Variants in FCAMR observed in about 807,000 individuals in gnomAD.
FCAMR encodes high affinity immunoglobulin alpha and immunoglobulin mu Fc receptor.
A neutral mutation model predicts 52.2 loss-of-function variants in FCAMR; 51 were observed. The observed-to-expected ratio is 0.98, with a 90% CI of 0.78 to 1.23. The LOEUF (loss-of-function observed/expected upper bound fraction) is 1.23. Ranked by LOEUF, FCAMR falls within the 50% of genes most tolerant of loss-of-function variation. FCAMR has a pLI of 0.00. For synonymous variants in FCAMR, 282 were observed against 262.0 expected (o/e 1.08, Z -0.74); for missense variants, 719 against 712.6 (o/e 1.01, Z -0.10).
At position 206,965,782 on chromosome 1, in the gene FCAMR, A is replaced by G; in HGVS notation, c.246T>C (p.His82=). ...LWEGSLPSRT[H]LRAMGTLRPS... Reference sequence around the variant, plus strand: ...GCCTGAGTGTTCCCATGGCCCGGAGATGGGTCCTGGAGGGGAGAGAGCCCT... The same window carrying G: ...GCCTGAGTGTTCCCATGGCCCGGAGGTGGGTCCTGGAGGGGAGAGAGCCCT... Residue 82 remains histidine (H), a synonymous_variant, in exon 4 of 8, where the codon CAT becomes CAC. Coordinates refer to ENST00000324852, the MANE Select transcript of FCAMR (RefSeq NM_001170631.2). 2 of 1,580,984 alleles carry G rather than the reference A, an allele frequency of 1.3e-6. No individual in the cohort carries two copies. The highest frequency in any genetic ancestry group is 1.7e-6 in the Non-Finnish European group (2 of 1,167,954).
At chr1:206,959,658 C>A in intron 7 of FCAMR, 21 bp downstream of exon 7, 2 of 1,596,882 alleles carry the variant, frequency 1.3e-6, no homozygotes, top group Admixed American at 1.7e-5. Flanking sequence ...TTCTATCTAG[C>A]CTTGGGGCTA....
Position 206,960,639 on chromosome 1 carries a change from C to T in FCAMR, c.1237G>A (p.Ala413Thr), listed in dbSNP as rs1680471416. ...GGAGTTCCCAAGGTCCACATGCCTGCAGCTGGAGTTGTTTCTCCAATGGAA... is the reference window on the plus strand; with the variant it reads ...GGAGTTCCCAAGGTCCACATGCCTGTAGCTGGAGTTGTTTCTCCAATGGAA... ...QGSIGETTPA[A>T]GMWTLGTPAA... The change falls in exon 6 of 8, where the codon GCA (alanine) becomes ACA (threonine). Residue 413 changes from alanine (A) to threonine (T), a missense_variant. Ala to Thr is a moderately conservative substitution (Grantham distance 58). Transcript: ENST00000324852. 3 of 1,551,830 alleles carry T rather than the reference C, an allele frequency of 1.9e-6. No individual in the cohort carries two copies. Among genetic ancestry groups the T allele is most frequent in the East Asian group, 2.4e-5 (1 of 40,936 alleles).
intron 1 of FCAMR, among the ~76,000 whole-genome samples, chr1:206,968,111 G>A (rs1189257425): frequency 2.6e-5 from 4 of 152,154 alleles, no homozygotes; most frequent in Admixed American, 2.0e-4. Context: ...AGGCCGAGGC[G>A]GGTGGATCAC....
At chr1:206,965,372 C>T (rs546499858) in intron 4 of FCAMR, among the ~76,000 whole-genome samples, 51 of 152,142 alleles carry the variant, frequency 3.4e-4, no homozygotes, top group Non-Finnish European at 5.6e-4. Context: ...GAACCAATAC[C>T]TTAAGGATTC....
At chr1:206,966,510 T>C (rs907140463) in intron 3 of FCAMR, among the ~76,000 whole-genome samples, 10 of 152,160 alleles carry the variant, frequency 6.6e-5, no homozygotes, top group African/African-American at 2.4e-4. Flanking sequence ...CTCAGCCTCA[T>C]GAGTAGCTGG....
chr1:206,965,788 C>G lies in FCAMR; in HGVS notation c.240G>C (p.Arg80Ser). The G allele has an allele frequency of 6.3e-7, 1 of 1,593,006 alleles. No homozygotes were observed. Among genetic ancestry groups the G allele is most frequent in the Non-Finnish European group, 8.5e-7 (1 of 1,172,026 alleles). The change falls in exon 4 of 8, where the codon AGG (arginine) becomes AGC (serine). Residue 80 changes from arginine (R) to serine (S), a missense_variant. Transcript: ENST00000324852. ...GTGTTCCCATGGCCCGGAGATGGGTCCTGGAGGGGAGAGAGCCCTCCCACA... is the reference window on the plus strand; with the variant it reads ...GTGTTCCCATGGCCCGGAGATGGGTGCTGGAGGGGAGAGAGCCCTCCCACA... ...RWLWEGSLPSRTHLRAMGTLR... is the reference protein window; with the variant it reads ...RWLWEGSLPSSTHLRAMGTLR...
chr1:206,965,152 C>G (rs17018404), intron 4 of FCAMR, among the ~76,000 whole-genome samples: 1 of 152,038 alleles, frequency 6.6e-6, no homozygotes, highest in Non-Finnish European at 1.5e-5. Context: ...CAAACAAGGA[C>G]CATTTCAGGA....
intron 1 of FCAMR, among the ~76,000 whole-genome samples, chr1:206,968,502 C>G (rs1406064531): frequency 6.6e-6 from 1 of 152,172 alleles, no homozygotes; most frequent in African/African-American, 2.4e-5. Flanking sequence ...CTAAAGTTAG[C>G]CGTTGAGTTT....
Position 206,967,474 on chromosome 1 carries a change from G to A in FCAMR, c.108+109C>T, listed in dbSNP as rs138443108. ...GTGTAGTGGAAAGGCCACGTTTGAA[G>A]TCCAAACTCTAGTTGGAATTGTGGG... On this transcript the variant is annotated intron_variant, in intron 2 of 7. Transcript: ENST00000324852. 212 of 1,225,120 alleles carry A rather than the reference G, an allele frequency of 1.7e-4. No individual in the cohort carries two copies. In the African/African-American group the frequency reaches 2.9e-3, roughly 17 times the overall value. 75.9% of individuals were successfully genotyped at this position (1,225,120 alleles called of 1,614,324 possible).
chr1:206,959,799 TAC>T lies in FCAMR; in HGVS notation c.1455-4_1455-3del, dbSNP rs745729420. On this transcript the variant is annotated splice_polypyrimidine_tract_variant and splice_region_variant and intron_variant, in intron 6 of 7. Coordinates refer to ENST00000324852, the MANE Select transcript of FCAMR (RefSeq NM_001170631.2). ...CTGCTTTCATCTTCTGGAAAAGTAC[TAC>T]AGTGGGGGTGGAAAGAGCACAGGGG... 4.3e-6 allele frequency: 7 copies of T among 1,610,632 alleles called. No homozygotes were observed. In the South Asian group the frequency reaches 7.7e-5, roughly 18 times the overall value.
At chr1:206,969,618 C>T (rs1680856398) in intron 1 of FCAMR, among the ~76,000 whole-genome samples, 1 of 152,144 alleles carries the variant, frequency 6.6e-6, no homozygotes, top group Non-Finnish European at 1.5e-5. Flanking sequence ...GCCTACTGGC[C>T]CTCCGAGCCC....
intron 2 of FCAMR, 99 bp from the exon 3 acceptor site, chr1:206,967,211 T>C: frequency 7.9e-7 from 1 of 1,262,700 alleles, no homozygotes; most frequent in Non-Finnish European, 1.1e-6. Flanking sequence ...GGATCTCGGT[T>C]TGCTCAGTGC....
In FCAMR at chr1:206,958,094, A is replaced by G. The variant is rs1320334833; in HGVS notation, c.*422T>C. 6.4e-6 allele frequency: 1 copy of G among 156,316 alleles called. No homozygotes were observed. Among genetic ancestry groups the G allele is most frequent in the African/African-American group, 2.4e-5 (1 of 41,702 alleles). 9.7% of individuals were successfully genotyped at this position (156,316 alleles called of 1,614,324 possible). On this transcript the variant is annotated 3_prime_UTR_variant, in exon 8 of 8. Transcript: ENST00000324852. Reference sequence around the variant, plus strand: ...ATCTACTTGAGAAGGCAAGGCTGGTACACTTAAATATAATACATGTGAATG... The same window carrying G: ...ATCTACTTGAGAAGGCAAGGCTGGTGCACTTAAATATAATACATGTGAATG...
chr1:206,961,315 G>C, intron 5 of FCAMR, 92 bp from the exon 6 acceptor site: 1 of 1,030,172 alleles, frequency 9.7e-7, no homozygotes, highest in African/African-American at 1.6e-5. Flanking sequence ...TGTCTGCTAA[G>C]TGGAATGCAA....
intron 4 of FCAMR, among the ~76,000 whole-genome samples, chr1:206,964,091 A>G (rs1335123424): frequency 6.6e-6 from 1 of 152,220 alleles, no homozygotes; most frequent in Non-Finnish European, 1.5e-5. Context: ...GCTTAAAGTG[A>G]GGAGAAAGTG....
chr1:206,958,511 G>C lies in FCAMR; in HGVS notation c.*5C>G. On this transcript the variant is annotated 3_prime_UTR_variant, in exon 8 of 8. Coordinates refer to ENST00000324852, the MANE Select transcript of FCAMR (RefSeq NM_001170631.2). ...TGGTAACTGAGCAGTTCATCTCTCT[G>C]TCCCTCAGGGTCCTGGATTTCTCTC... 1.9e-6 allele frequency: 3 copies of C among 1,610,054 alleles called. No individual in the cohort carries two copies. Among genetic ancestry groups the C allele is most frequent in the Non-Finnish European group, 2.5e-6 (3 of 1,178,726 alleles).
At chr1:206,965,656 T>G in intron 4 of FCAMR, 59 bp downstream of exon 4, 1 of 1,500,950 alleles carries the variant, frequency 6.7e-7, no homozygotes, top group Non-Finnish European at 8.8e-7. Context: ...TGACTTGGTC[T>G]GAGAGAGCCT....
intron 3 of FCAMR, among the ~76,000 whole-genome samples, chr1:206,966,524 T>C (rs368063194): frequency 3.3e-5 from 5 of 152,192 alleles, no homozygotes; most frequent in Non-Finnish European, 5.9e-5. Context: ...TAGCTGGGAC[T>C]ACAGGTGCGT....
chr1:206,966,885 C>A (rs1320940662), intron 3 of FCAMR, among the ~76,000 whole-genome samples, 167 bp downstream of exon 3: 1 of 152,082 alleles, frequency 6.6e-6, no homozygotes, highest in Non-Finnish European at 1.5e-5. Flanking sequence ...TCCCTATTAC[C>A]ATCAGAATAA....
Sources: gnomAD v4.1 joint callset for allele counts (sites outside exome capture counted in the v4.1 genomes callset) on GRCh38, gnomAD v4.1.1 for gene constraint, MANE v1.5 for transcripts, NCBI Gene and HGNC (gene_info 2026-07-23, HGNC 2026-07-21) for gene names.